The following WIPI1 variants were observed in gnomAD, a reference collection of about 807,000 sequenced individuals.
The protein encoded by WIPI1 is WD repeat domain phosphoinositide-interacting protein 1.
Under a neutral mutation model 55.3 loss-of-function variants are expected in WIPI1, and 45 were observed. That is an observed-to-expected ratio of 0.81 (90% confidence interval 0.64 to 1.04). The LOEUF is 1.04. WIPI1 is among the 50% of genes least tolerant of loss of function. The pLI, the probability that WIPI1 is intolerant of heterozygous loss-of-function variation, is 0.00. For missense variants in WIPI1, 445 were observed against 559.0 expected, an observed-to-expected ratio of 0.80 and a Z score of 2.06; for synonymous variants, 195 against 217.6, an observed-to-expected ratio of 0.90 and a Z score of 0.92.
chr17:68,450,167 A>AC (rs907379221), intron 3 of WIPI1, among the ~76,000 whole-genome samples: 1 of 151,896 alleles, frequency 6.6e-6, no homozygotes, highest in African/African-American at 2.4e-5. Flanking sequence ...ATGCTACAAA[A>AC]AAAACAAAAA....
At chr17:68,435,469 G>C in intron 6 of WIPI1, 151 bp downstream of exon 6, 1 of 747,878 alleles carries the variant, frequency 1.3e-6, no homozygotes, top group East Asian at 2.5e-5. Flanking sequence ...CACACATGCA[G>C]AGGCCAGAAA....
chr17:68,438,365 G>A (rs551037697), intron 4 of WIPI1, among the ~76,000 whole-genome samples: 2 of 152,234 alleles, frequency 1.3e-5, no homozygotes, highest in African/African-American at 4.8e-5. Context: ...TGAATTCTTT[G>A]CTATCCAAAT....
chr17:68,422,012 G>T, intron 12 of WIPI1, 192 bp from the exon 13 acceptor site: 1 of 627,790 alleles, frequency 1.6e-6, no homozygotes, highest in Non-Finnish European at 2.8e-6. Context: ...GTATGACACA[G>T]TTCTAGAAAA....
chr17:68,452,876 G>T (rs1251620663), intron 2 of WIPI1, 34 bp downstream of exon 2: 15 of 1,593,462 alleles, frequency 9.4e-6, no homozygotes, highest in Non-Finnish European at 1.3e-5. Context: ...TGGTTCTCCT[G>T]CAGATCCCTG....
At chr17:68,430,775 A>G (rs2083472824) in intron 8 of WIPI1, among the ~76,000 whole-genome samples, 2 of 152,134 alleles carry the variant, frequency 1.3e-5, no homozygotes, top group Non-Finnish European at 2.9e-5. Context: ...TCTGTTGGTG[A>G]GAGACAACCC....
At chr17:68,428,504 A>G (rs2083354851) in intron 10 of WIPI1, 2 of 225,666 alleles carry the variant, frequency 8.9e-6, no homozygotes. Context: ...AAGTGCCGGG[A>G]TTACAGGTGT....
intron 8 of WIPI1, 89 bp from the exon 9 acceptor site, chr17:68,430,249 A>G: frequency 1.5e-6 from 2 of 1,332,024 alleles, no homozygotes; most frequent in Non-Finnish European, 2.1e-6. Flanking sequence ...CATTAGCCAC[A>G]CTCCCCGCAG....
At chr17:68,454,518 C>A (rs1303971674) in intron 1 of WIPI1, among the ~76,000 whole-genome samples, 1 of 152,164 alleles carries the variant, frequency 6.6e-6, no homozygotes, top group Non-Finnish European at 1.5e-5. Flanking sequence ...TCTCGCAGCC[C>A]TCCAACCTGC....
At chr17:68,431,485 G>C (rs1280511367) in intron 8 of WIPI1, among the ~76,000 whole-genome samples, 1 of 152,130 alleles carries the variant, frequency 6.6e-6, no homozygotes, top group Non-Finnish European at 1.5e-5. Context: ...CTGACTCAGG[G>C]GGACGGGAGG....
At chr17:68,436,295 C>A (rs896004970) in intron 5 of WIPI1, 87 bp downstream of exon 5, 31 of 1,250,060 alleles carry the variant, frequency 2.5e-5, no homozygotes, top group Non-Finnish European at 3.4e-5. Context: ...CTCCAGCCCC[C>A]GACGGCAGGG....
At chr17:68,432,263 C>T (rs2147842662) in intron 8 of WIPI1, among the ~76,000 whole-genome samples, 1 of 152,264 alleles carries the variant, frequency 6.6e-6, no homozygotes, top group Admixed American at 6.5e-5. Context: ...AGTCCCATGG[C>T]TGTGATATGT....
rs1302387526 is a variant in WIPI1 at position 68,435,723 on chromosome 17, A to G, written c.529-11T>C. ...AGTGCAGACTGTTTTCTGTTGGTGAAAAGGAAAAATGGATACAGATGCTGC... is the reference window on the plus strand; with the variant it reads ...AGTGCAGACTGTTTTCTGTTGGTGAGAAGGAAAAATGGATACAGATGCTGC... On this transcript the variant is annotated splice_polypyrimidine_tract_variant and intron_variant, in intron 5 of 12. Coordinates refer to ENST00000262139, the MANE Select transcript of WIPI1 (RefSeq NM_017983.7). 1.2e-6 allele frequency: 2 copies of G among 1,613,834 alleles called. No individual in the cohort carries two copies. The highest frequency in any genetic ancestry group is 1.7e-5 in the Admixed American group (1 of 60,026).
intron 3 of WIPI1, among the ~76,000 whole-genome samples, chr17:68,444,900 C>A (rs567113046): frequency 2.2e-4 from 33 of 148,088 alleles, no homozygotes; most frequent in African/African-American, 7.7e-4. Flanking sequence ...TTCCTTAGAA[C>A]AGGGATCCTG....
chr17:68,428,780 T>C lies in WIPI1; in HGVS notation c.1073+49A>G, dbSNP rs2083370540. 7 of 1,456,804 alleles carry C rather than the reference T, an allele frequency of 4.8e-6. No homozygotes were observed. The South Asian group carries it at 6.9e-5, about 14-fold the overall frequency. 90.2% of individuals were successfully genotyped at this position (1,456,804 alleles called of 1,614,324 possible). ...GTCGTTCTTGGCGAAGGGACAACTC[T>C]ACACGACCAGCTCTCGAAAGGCTGT... On this transcript the variant is annotated intron_variant, in intron 10 of 12. Coordinates refer to ENST00000262139, the MANE Select transcript of WIPI1 (RefSeq NM_017983.7).
At chr17:68,438,291 C>A (rs1268128328) in intron 4 of WIPI1, among the ~76,000 whole-genome samples, 1 of 152,202 alleles carries the variant, frequency 6.6e-6, no homozygotes, top group Non-Finnish European at 1.5e-5. Context: ...CTGGCCCCAG[C>A]CTTAGAAGAG....
chr17:68,450,686 G>A lies in WIPI1; in HGVS notation c.333+42C>T, dbSNP rs74000716. ...ATGTCCATCTTTTTGTTTGGCTCCC[G>A]TTAGCAGAAGCTTTGAAACCCTGAG... On this transcript the variant is annotated intron_variant, in intron 3 of 12. Transcript: ENST00000262139. 6.4e-4 allele frequency: 1,003 copies of A among 1,564,280 alleles called. 4 individuals carry two copies. The African/African-American group carries it at 0.012, about 19-fold the overall frequency.
chr17:68,434,561 C>T lies in WIPI1; in HGVS notation c.687G>A (p.Met229Ile), dbSNP rs143014524. The T allele has an allele frequency of 1.1e-4, 172 of 1,613,956 alleles. No homozygotes were observed. The African/African-American group carries it at 2.1e-3, about 20-fold the overall frequency. The change falls in exon 7 of 13, where the codon ATG becomes ATA. Residue 229 changes from methionine (M) to isoleucine (I), a missense_variant. Coordinates refer to ENST00000262139, the MANE Select transcript of WIPI1 (RefSeq NM_017983.7). ...GTTTGACATTGAACACAGACCTTTT[C>T]ATCCCTCTCCGGAACTCATAGAGCT... ...GQKLYEFRRG[M>I]KRYVTISSLV...
rs555970921 is a variant in WIPI1, at chr17:68,445,196, A to AGGCCT, written c.334-612_334-608dup. 5.0e-3 allele frequency among the ~76,000 whole-genome samples: 758 copies of AGGCCT among 152,264 alleles called. 5 individuals carry two copies. The highest frequency in any genetic ancestry group is 8.2e-3 in the Admixed American group (125 of 15,302). ...CGGCCTCCCAAAGTGCTGGGATGATAGGCCTGAGCCACCGCGTTCAACAGG... is the reference window on the plus strand; with the variant it reads ...CGGCCTCCCAAAGTGCTGGGATGATAGGCCTGGCCTGAGCCACCGCGTTCAACAGG... On this transcript the variant is annotated intron_variant, in intron 3 of 12. Transcript: ENST00000262139.
chr17:68,451,475 G>A (rs1170483365), intron 2 of WIPI1, among the ~76,000 whole-genome samples: 1 of 152,238 alleles, frequency 6.6e-6, no homozygotes, highest in East Asian at 1.9e-4. Context: ...CTGCAAGTCA[G>A]AGCAAAGGCA....
Sources: gnomAD v4.1 joint callset for allele counts (sites outside exome capture counted in the v4.1 genomes callset) on GRCh38, gnomAD v4.1.1 for gene constraint, MANE v1.5 for transcripts, NCBI Gene and HGNC (gene_info 2026-07-23, HGNC 2026-07-21) for gene names.